MACF1: variants seen among roughly 807,000 people sequenced by gnomAD.
The protein encoded by MACF1 is microtubule-actin cross-linking factor 1.
MACF1 carries 193 observed loss-of-function variants against 854.8 expected under a neutral mutation model. The ratio of observed to expected loss-of-function variants is 0.23; its 90% CI spans 0.20 to 0.25. The LOEUF is 0.25. Among genes scored for constraint, MACF1 ranks in the 10% least tolerant of loss-of-function variants. The pLI is 1.00. For synonymous variants in MACF1, 3,185 were observed against 3,226.7 expected (o/e 0.99, Z 0.44); for missense variants, 7,722 against 8,929.1 (o/e 0.86, Z 5.45).
chr1:39,250,110 T>C lies in MACF1; in HGVS notation c.261+7T>C, dbSNP rs201317646. 1.3e-5 allele frequency: 21 copies of C among 1,598,968 alleles called. No individual in the cohort carries two copies. Among genetic ancestry groups the C allele is most frequent in the Non-Finnish European group, 1.7e-5 (20 of 1,166,586 alleles). On this transcript the variant is annotated splice_region_variant and intron_variant, in intron 3 of 100. Coordinates refer to ENST00000564288, the MANE Select transcript of MACF1 (RefSeq NM_001394062.1). ...CCTCTCAGGCATCAAACTGGTGAGC[T>C]TCTCCTAATGAATGGCCTCACAATT...
rs1352115746 is a variant in MACF1 at position 39,419,857 on chromosome 1, C to T, written c.15817-2517C>T. Among the ~76,000 whole-genome samples the T allele has an allele frequency of 5.6e-5, 8 of 141,832 alleles. No individual in the cohort carries two copies. In the East Asian group the frequency reaches 1.1e-3, roughly 20 times the overall value. 93.0% of individuals were successfully genotyped at this position (141,832 alleles called of 152,430 possible). On this transcript the variant is annotated intron_variant, in intron 58 of 100. Transcript: ENST00000564288. ...TGTGTGTGTGTATTTTTAGTAGAGACGAGGTTTCGCCTGTTGCCCAGGCTG... is the reference window on the plus strand; with the variant it reads ...TGTGTGTGTGTATTTTTAGTAGAGATGAGGTTTCGCCTGTTGCCCAGGCTG...
At position 39,332,042 on chromosome 1, in the gene MACF1, G is replaced by A. The variant is rs557894788; in HGVS notation, c.5454G>A (p.Thr1818=). 61 of 1,613,960 alleles carry A rather than the reference G, an allele frequency of 3.8e-5. No homozygotes were observed. In the Admixed American group the frequency reaches 6.8e-4, roughly 18 times the overall value. The stretch of plus-strand genomic sequence containing the variant: ...CAGGAGGCATCATAGACACTGTCAC[G>A]GGGCAAAGGCTAACAATAGATGAAG... ...LQTGGIIDTV[T]GQRLTIDEAV... is the part of the protein sequence containing the mutation. The change falls in exon 37 of 101, where the codon ACG becomes ACA. Residue 1818 remains threonine (T), a synonymous_variant. Coordinates refer to ENST00000564288, the MANE Select transcript of MACF1 (RefSeq NM_001394062.1).
chr1:39,268,718 T>C (rs751744659), intron 6 of MACF1: 51 of 1,285,030 alleles, frequency 4.0e-5, no homozygotes, highest in Non-Finnish European at 5.2e-5. Context: ...CACTGGGCTG[T>C]TTTAAGGAGC....
At position 39,122,452 on chromosome 1, in the gene MACF1, A is replaced by G. The variant is rs559894830; in HGVS notation, c.220+38014A>G. Among the ~76,000 whole-genome samples, 5 of 151,878 alleles carry G rather than the reference A, an allele frequency of 3.3e-5. No individual in the cohort carries two copies. In the East Asian group the frequency reaches 9.7e-4, roughly 29 times the overall value. ...GTATTTTTAGTAGAGATGGGGTTTCACCATCTTGGCCAGGCTAGTCTTGAA... is the reference window on the plus strand; with the variant it reads ...GTATTTTTAGTAGAGATGGGGTTTCGCCATCTTGGCCAGGCTAGTCTTGAA... On this transcript the variant is annotated intron_variant, in intron 2 of 93. Coordinates refer to the MACF1 transcript ENST00000361689.
chr1:39,088,257 C>A (rs1403105075), intron 2 of MACF1, among the ~76,000 whole-genome samples: 1 of 152,116 alleles, frequency 6.6e-6, no homozygotes, highest in Middle Eastern at 3.2e-3. Context: ...TAGGTGTGAG[C>A]CACCGCGCCT....
chr1:39,417,713 A>ATTTTTTTTTTTTTTTTTTTTT (rs56799242), intron 58 of MACF1, among the ~76,000 whole-genome samples: 1 of 55,796 alleles, frequency 1.8e-5, no homozygotes, highest in East Asian at 4.3e-4. Flanking sequence ...CACCCAGTTA[A>ATTTTTTTTTTTTTTTTTTTTT]TTTTTTTTTT....
In MACF1 at chr1:39,333,979, T is replaced by G; in HGVS notation, c.7391T>G (p.Met2464Arg). The G allele has an allele frequency of 6.2e-7, 1 of 1,614,182 alleles. No individual in the cohort carries two copies. The highest frequency in any genetic ancestry group is 8.5e-7 in the Non-Finnish European group (1 of 1,180,042). Residue 2464 changes from methionine to arginine, a missense_variant, in exon 37 of 101, where the codon ATG becomes AGG. Met to Arg is a moderately conservative substitution (Grantham distance 91). Transcript: ENST00000564288. ...AGGGAGAGATTAATTAGTTTACAAA[T>G]GGAAACAACAGGACTTATAGACCCT... ...TVRERLISLQ[M>R]ETTGLIDPDS...
chr1:39,102,722 C>T (rs1480339108), intron 2 of MACF1: 12 of 701,290 alleles, frequency 1.7e-5, no homozygotes, highest in Non-Finnish European at 2.9e-5. Context: ...CGAGTACATC[C>T]TTCTGCTTCC....
At chr1:39,359,766 C>G (rs61779276) in intron 47 of MACF1, among the ~76,000 whole-genome samples, 1 of 150,552 alleles carries the variant, frequency 6.6e-6, no homozygotes, top group African/African-American at 2.4e-5. Context: ...GTCAGGAGAT[C>G]GAGACCATCC....
At chr1:39,269,944 C>T (rs1557554946) in intron 6 of MACF1, among the ~76,000 whole-genome samples, 3 of 152,152 alleles carry the variant, frequency 2.0e-5, no homozygotes. Context: ...TTCTGAGTAG[C>T]CAAGTGGCGT....
At chr1:39,465,676 A>G (rs1196691706) in intron 95 of MACF1, among the ~76,000 whole-genome samples, 1 of 152,180 alleles carries the variant, frequency 6.6e-6, no homozygotes, top group Non-Finnish European at 1.5e-5. Flanking sequence ...AAAAGATTGG[A>G]TGCTTTGACT....
At chr1:39,236,553 G>T (rs575523412) in intron 2 of MACF1, among the ~76,000 whole-genome samples, 19 of 152,280 alleles carry the variant, frequency 1.2e-4, no homozygotes, top group African/African-American at 4.6e-4. Flanking sequence ...TATATACATG[G>T]TGTATCTTTC....
intron 20 of MACF1, among the ~76,000 whole-genome samples, chr1:39,296,383 C>T (rs565498937): frequency 1.3e-5 from 2 of 152,112 alleles, no homozygotes; most frequent in Non-Finnish European, 2.9e-5. Flanking sequence ...ATGGGAGTAG[C>T]TGTAAAATAT....
At chr1:39,375,326 G>C (rs919576780) in intron 52 of MACF1, among the ~76,000 whole-genome samples, 9 of 151,430 alleles carry the variant, frequency 5.9e-5, no homozygotes, top group African/African-American at 2.4e-5. Flanking sequence ...TCCTGAGACG[G>C]AGTCTCGCTC....
Position 39,378,476 on chromosome 1 carries a change from C to T in MACF1, c.13229C>T (p.Ser4410Phe). ...TTCTGCTCAGGTTCCATACTGCCCT[C>T]TGTAGGAAGCTCTGTAGGCAGTGTA... is the stretch of plus-strand genomic sequence containing the variant. ...SQGKTGSILPSVGSSVGSVNG... is the reference protein window; with the variant it reads ...SQGKTGSILPFVGSSVGSVNG... Residue 4410 changes from serine (S) to phenylalanine (F), a missense_variant, in exon 53 of 101, where the codon TCT becomes TTT. Physicochemically the swap from Ser to Phe is radical, Grantham distance 155. Transcript: ENST00000564288. The T allele has an allele frequency of 6.2e-7, 1 of 1,614,052 alleles. No homozygotes were observed.
At chr1:39,147,519 T>G in intron 2 of MACF1, among the ~76,000 whole-genome samples, 1 of 147,160 alleles carries the variant, frequency 6.8e-6, no homozygotes, top group Non-Finnish European at 1.5e-5. Context: ...TTTCCTCCTT[T>G]CTTTTCCTTC....
At chr1:39,368,708 G>A (rs1648954279) in intron 50 of MACF1, among the ~76,000 whole-genome samples, 2 of 152,016 alleles carry the variant, frequency 1.3e-5, no homozygotes, top group African/African-American at 4.8e-5. Context: ...CCCTACACTG[G>A]CCAGGCTGGT....
chr1:39,287,243 T>C, intron 14 of MACF1, 43 bp from the exon 15 acceptor site: 1 of 1,586,940 alleles, frequency 6.3e-7, no homozygotes. Flanking sequence ...AAAACTATAC[T>C]ATAGATTTAA....
chr1:39,156,473 G>C (rs1345004925), intron 2 of MACF1, among the ~76,000 whole-genome samples: 1 of 152,180 alleles, frequency 6.6e-6, no homozygotes, highest in Non-Finnish European at 1.5e-5. Flanking sequence ...ACAAAAATTA[G>C]CGAGGCATAG....
Sources: allele counts gnomAD v4.1 joint callset (sites outside exome capture counted in the v4.1 genomes callset), GRCh38; gene constraint gnomAD v4.1.1; transcripts MANE v1.5; gene names NCBI Gene and HGNC (gene_info 2026-07-23, HGNC 2026-07-21).